VAC14: variants seen among roughly 807,000 people sequenced by gnomAD.
VAC14 encodes the protein protein VAC14 homolog.
VAC14 carries 47 observed loss-of-function variants against 85.3 expected under a neutral mutation model. That is an observed-to-expected ratio of 0.55 (90% CI 0.44 to 0.70). VAC14 has a LOEUF of 0.70. VAC14 is among the 30% of genes least tolerant of loss of function. VAC14 has a pLI of 0.00. For synonymous variants in VAC14, 447 were observed against 430.5 expected (o/e 1.04, Z -0.47); for missense variants, 861 against 1,004.3 (o/e 0.86, Z 1.93).
chr16:70,797,461 T>C (rs1422213741), intron 1 of VAC14, among the ~76,000 whole-genome samples: 1 of 152,214 alleles, frequency 6.6e-6, no homozygotes, highest in African/African-American at 2.4e-5. Flanking sequence ...GAGGCTATCA[T>C]TCTCCCTACC....
At chr16:70,764,524 C>A (rs926996597) in intron 10 of VAC14, among the ~76,000 whole-genome samples, 6 of 152,218 alleles carry the variant, frequency 3.9e-5, no homozygotes, top group Non-Finnish European at 8.8e-5. Context: ...CTCAAGTCCA[C>A]TGTCCCGCAG....
At chr16:70,798,178 AG>A (rs2034626368) in intron 1 of VAC14, among the ~76,000 whole-genome samples, 1 of 152,220 alleles carries the variant, frequency 6.6e-6, no homozygotes, top group African/African-American at 2.4e-5. Context: ...CCCCAGTTCC[AG>A]AGCCTGCTCT....
intron 14 of VAC14, among the ~76,000 whole-genome samples, chr16:70,708,660 C>T (rs914348891): frequency 3.3e-5 from 5 of 152,196 alleles, no homozygotes; most frequent in Admixed American, 2.0e-4. Context: ...ATGGCGAGGG[C>T]TGGGGACAGG....
intron 12 of VAC14, among the ~76,000 whole-genome samples, chr16:70,751,829 G>A (rs1248413327): frequency 2.6e-5 from 4 of 152,226 alleles, no homozygotes; most frequent in Non-Finnish European, 5.9e-5. Context: ...AAGTAAACAT[G>A]AGCTGCAGAA....
chr16:70,728,518 T>C (rs2054495698), intron 14 of VAC14, among the ~76,000 whole-genome samples: 1 of 152,128 alleles, frequency 6.6e-6, no homozygotes, highest in Admixed American at 6.5e-5. Context: ...AAGCAAAGCC[T>C]CCCTGGCCTG....
intron 12 of VAC14, among the ~76,000 whole-genome samples, chr16:70,750,811 A>G (rs937713543): frequency 3.3e-5 from 5 of 152,096 alleles, no homozygotes; most frequent in African/African-American, 1.2e-4. Context: ...GTCCCAGACC[A>G]GCCCTAGGAG....
intron 14 of VAC14, among the ~76,000 whole-genome samples, chr16:70,730,483 C>A (rs571492404): frequency 2.5e-4 from 38 of 152,112 alleles, no homozygotes; most frequent in South Asian, 4.2e-4. Context: ...CAACTCCTGA[C>A]CCCCAGACCA....
chr16:70,796,890 C>T (rs2034568123), intron 1 of VAC14, among the ~76,000 whole-genome samples: 1 of 152,056 alleles, frequency 6.6e-6, no homozygotes, highest in African/African-American at 2.4e-5. Context: ...TAAAAGAGGT[C>T]CTAAGGGTGG....
rs1043746593 is a variant in VAC14, at chr16:70,780,919, C to G, written c.967G>C (p.Val323Leu). The G allele has an allele frequency of 1.2e-6, 2 of 1,614,130 alleles. No homozygotes were observed. Among genetic ancestry groups the G allele is most frequent in the Admixed American group, 3.3e-5 (2 of 60,020 alleles). ...RKKSIKEVAN[V>L]CNQSLMKLVT... ...AGCTTCATCAGGCTCTGGTTGCACA[C>G]GTTGGCCACTTCTTTGATGCCTGAG... Residue 323 changes from valine to leucine, a missense_variant, in exon 9 of 19, where the codon GTG (valine) becomes CTG (leucine). Transcript: ENST00000261776.
Position 70,784,188 on chromosome 16 carries a change from CA to C in VAC14, c.518del (p.Leu173ArgfsTer2). On this transcript the variant is annotated frameshift_variant, in exon 5 of 19. Transcript: ENST00000261776. LOFTEE classifies it high-confidence loss of function. ...DIVTESNKFD[L>X]VSFIPLLRER... is the part of the protein sequence containing the mutation. The stretch of plus-strand genomic sequence containing the variant: ...CTCGCAACAAGGGGATGAAGCTCAC[CA>C]GGTCAAACTTGTTGCTCTCAGTCAC... The C allele has an allele frequency of 6.2e-7, 1 of 1,614,138 alleles. No individual in the cohort carries two copies. Among genetic ancestry groups the C allele is most frequent in the Non-Finnish European group, 8.5e-7 (1 of 1,180,018 alleles).
At position 70,762,597 on chromosome 16, in the gene VAC14, C is replaced by A. The variant is rs753152061; in HGVS notation, c.1314G>T (p.Arg438=). Residue 438 remains arginine (R), a synonymous_variant, in exon 12 of 19, where the codon CGG becomes CGT. Transcript: ENST00000261776. The surrounding 1 kb of genome is among the most constrained non-coding windows in gnomAD (Gnocchi z 4.1). Reference sequence around the variant, plus strand: ...GGATGGGAAAGAGGCTGTCCGTGTGCCGGAACATCTGGAGGGCAGAGAAGC... The same window carrying A: ...GGATGGGAAAGAGGCTGTCCGTGTGACGGAACATCTGGAGGGCAGAGAAGC... ...LYIKTPRKMF[R]HTDSLFPILL... The A allele has an allele frequency of 6.2e-7, 1 of 1,613,886 alleles. No homozygotes were observed. Among genetic ancestry groups the A allele is most frequent in the African/African-American group, 1.3e-5 (1 of 74,906 alleles).
chr16:70,754,435 G>A (rs748889432), intron 12 of VAC14, among the ~76,000 whole-genome samples: 3 of 152,190 alleles, frequency 2.0e-5, no homozygotes, highest in South Asian at 2.1e-4. Context: ...AGCTGTCCCC[G>A]AGGAGGAAGG....
chr16:70,738,731 A>G (rs1206946813), intron 13 of VAC14, among the ~76,000 whole-genome samples: 1 of 152,222 alleles, frequency 6.6e-6, no homozygotes, highest in Non-Finnish European at 1.5e-5. Flanking sequence ...TTATTTTAAT[A>G]AACTTTCAAA....
At chr16:70,749,846 C>T (rs1283813841) in intron 12 of VAC14, among the ~76,000 whole-genome samples, 1 of 152,194 alleles carries the variant, frequency 6.6e-6, no homozygotes, top group African/African-American at 2.4e-5. Context: ...AATCTCGATG[C>T]ACACCTTGGC....
At chr16:70,722,732 G>A (rs1475743470) in intron 14 of VAC14, among the ~76,000 whole-genome samples, 1 of 152,182 alleles carries the variant, frequency 6.6e-6, no homozygotes, top group Non-Finnish European at 1.5e-5. Flanking sequence ...GGAGGCAGAG[G>A]ATGGAAAATG....
chr16:70,695,734 T>C, intron 16 of VAC14, 111 bp from the exon 17 acceptor site: 1 of 1,031,692 alleles, frequency 9.7e-7, no homozygotes, highest in South Asian at 1.4e-5. Flanking sequence ...AGCCTGGTTG[T>C]GGTGAAGCAG....
At chr16:70,791,283 C>T (rs1296746140) in intron 1 of VAC14, among the ~76,000 whole-genome samples, 1 of 152,260 alleles carries the variant, frequency 6.6e-6, no homozygotes, top group Non-Finnish European at 1.5e-5. Flanking sequence ...GAAGTGAGCG[C>T]AGAAGGACTC....
chr16:70,770,067 TTC>T, intron 10 of VAC14: 1 of 152,494 alleles, frequency 6.6e-6, no homozygotes, highest in South Asian at 2.1e-4. Flanking sequence ...GCCTCCCCCT[TTC>T]TCCTGGGATG....
At chr16:70,698,938 A>G in intron 14 of VAC14, 127 bp from the exon 15 acceptor site, 5 of 457,642 alleles carry the variant, frequency 1.1e-5, no homozygotes, top group South Asian at 1.9e-5. Flanking sequence ...GCCAGTGTGG[A>G]GCCATGACTC....
Sources: gnomAD v4.1 joint callset for allele counts (sites outside exome capture counted in the v4.1 genomes callset) on GRCh38, gnomAD v4.1.1 for gene constraint, Gnocchi (gnomAD v3.1) non-coding constraint, MANE v1.5 for transcripts, NCBI Gene and HGNC (gene_info 2026-07-23, HGNC 2026-07-21) for gene names.